Variants in GRM5 observed in about 807,000 individuals in gnomAD.
GRM5 encodes the protein metabotropic glutamate receptor 5.
GRM5 carries 19 observed loss-of-function variants against 83.1 expected under a neutral mutation model. That is an observed-to-expected ratio of 0.23 (90% CI 0.16 to 0.34). The LOEUF (loss-of-function observed/expected upper bound fraction) is 0.34. GRM5 is among the 10% of genes least tolerant of loss of function. GRM5 has a pLI of 1.00. For missense variants in GRM5, 1,160 were observed against 1,588.3 expected, an observed-to-expected ratio of 0.73 and a Z score of 4.58; for synonymous variants, 675 against 633.6, an observed-to-expected ratio of 1.07 and a Z score of -0.98.
chr11:88,813,243 A>C (rs142508134), intron 3 of GRM5, among the ~76,000 whole-genome samples: 5 of 152,210 alleles, frequency 3.3e-5, no homozygotes, highest in Admixed American at 3.3e-4. Flanking sequence ...CTGACATTTT[A>C]TTCATGTTTG....
intron 3 of GRM5, among the ~76,000 whole-genome samples, chr11:88,757,078 A>T (rs1230348807): frequency 1.3e-5 from 2 of 152,196 alleles, no homozygotes; most frequent in Non-Finnish European, 2.9e-5. Context: ...GTCCTCAAAA[A>T]TAATATGAAC....
chr11:88,845,725 G>GCCC (rs66888159), intron 3 of GRM5, among the ~76,000 whole-genome samples: 8 of 147,440 alleles, frequency 5.4e-5, no homozygotes, highest in African/African-American at 2.1e-4. Flanking sequence ...GAACCACCGC[G>GCCC]CCCCCCCCCA....
chr11:89,000,596 T>C (rs1174884523), intron 2 of GRM5, among the ~76,000 whole-genome samples: 4 of 152,112 alleles, frequency 2.6e-5, no homozygotes, highest in Non-Finnish European at 5.9e-5. Flanking sequence ...TATTTTAAAA[T>C]TTTAGGAAAA....
intron 2 of GRM5, among the ~76,000 whole-genome samples, chr11:88,877,371 T>C (rs1283601255): frequency 6.6e-6 from 1 of 152,052 alleles, no homozygotes; most frequent in Non-Finnish European, 1.5e-5. Context: ...AAAAAGAAAC[T>C]AAATGCTGGC....
chr11:88,659,722 A>G (rs1421364448), intron 3 of GRM5, among the ~76,000 whole-genome samples: 1 of 152,208 alleles, frequency 6.6e-6, no homozygotes, highest in Non-Finnish European at 1.5e-5. Context: ...AGAATGTGAA[A>G]CCTCCTGAGT....
At chr11:89,007,304 G>A (rs916974024) in intron 2 of GRM5, among the ~76,000 whole-genome samples, 15 of 152,092 alleles carry the variant, frequency 9.9e-5, no homozygotes, top group African/African-American at 3.6e-4. Flanking sequence ...GCTTTTTCTT[G>A]TACTATAACA....
At chr11:89,023,759 A>G (rs1365117762) in intron 2 of GRM5, among the ~76,000 whole-genome samples, 1 of 151,998 alleles carries the variant, frequency 6.6e-6, no homozygotes, top group Non-Finnish European at 1.5e-5. Flanking sequence ...CTGAGGCAGG[A>G]GAATTGCTTG....
intron 3 of GRM5, among the ~76,000 whole-genome samples, chr11:88,796,125 C>A (rs569173422): frequency 1.3e-5 from 2 of 152,172 alleles, no homozygotes; most frequent in African/African-American, 2.4e-5. Context: ...GCATTTCCAA[C>A]GTAATTTAAA....
chr11:88,792,060 T>C (rs530818314), intron 3 of GRM5, among the ~76,000 whole-genome samples: 2 of 152,232 alleles, frequency 1.3e-5, no homozygotes, highest in South Asian at 2.1e-4. Flanking sequence ...AGTCAGAATA[T>C]GGAATCCCAG....
chr11:88,623,372 C>T (rs1355630277), intron 4 of GRM5, among the ~76,000 whole-genome samples: 11 of 152,014 alleles, frequency 7.2e-5, no homozygotes, highest in African/African-American at 1.9e-4. Flanking sequence ...TCAGGTGACC[C>T]GCCCGCCTCA....
intron 9 of GRM5, chr11:88,511,848 A>G (rs546638134): frequency 6.6e-6 from 1 of 152,282 alleles, no homozygotes; most frequent in Non-Finnish European, 1.5e-5. Context: ...CCTTTCTCCT[A>G]TCAGAAGGAT....
At chr11:88,859,366 T>C (rs1944525931) in intron 2 of GRM5, among the ~76,000 whole-genome samples, 1 of 151,816 alleles carries the variant, frequency 6.6e-6, no homozygotes, top group Non-Finnish European at 1.5e-5. Flanking sequence ...TGGAACAGAG[T>C]AAGCACTGAA....
At chr11:88,822,251 T>C (rs1251708427) in intron 3 of GRM5, among the ~76,000 whole-genome samples, 1 of 152,178 alleles carries the variant, frequency 6.6e-6, no homozygotes, top group Non-Finnish European at 1.5e-5. Context: ...TACTTTGATA[T>C]TGACCTATTG....
intron 7 of GRM5, among the ~76,000 whole-genome samples, chr11:88,578,187 C>T (rs988545417): frequency 6.6e-6 from 1 of 151,980 alleles, no homozygotes; most frequent in Admixed American, 6.6e-5. Flanking sequence ...GCCCATAATG[C>T]TTTGAATTTT....
intron 3 of GRM5, among the ~76,000 whole-genome samples, chr11:88,715,431 A>T (rs919515818): frequency 1.3e-4 from 7 of 53,070 alleles, no homozygotes; most frequent in Non-Finnish European, 2.5e-4. Context: ...GCATTTTTTC[A>T]TGAAAAAAAA....
At chr11:89,016,856 C>T (rs986722859) in intron 2 of GRM5, among the ~76,000 whole-genome samples, 2 of 152,096 alleles carry the variant, frequency 1.3e-5, no homozygotes, top group African/African-American at 4.8e-5. Flanking sequence ...TGTTTCCACT[C>T]AGTTTTTCAT....
At chr11:88,583,211 T>C (rs938544594) in intron 7 of GRM5, among the ~76,000 whole-genome samples, 1 of 152,098 alleles carries the variant, frequency 6.6e-6, no homozygotes, top group African/African-American at 2.4e-5. Flanking sequence ...GCGGGAGTTA[T>C]AAAACCTGCC....
At chr11:88,535,088 G>A (rs969386243) in intron 8 of GRM5, among the ~76,000 whole-genome samples, 1 of 152,154 alleles carries the variant, frequency 6.6e-6, no homozygotes, top group Non-Finnish European at 1.5e-5. Flanking sequence ...TCTCGGGTAT[G>A]TCTTTATCAG....
At chr11:88,771,813 A>T (rs1191693813) in intron 3 of GRM5, among the ~76,000 whole-genome samples, 1 of 152,172 alleles carries the variant, frequency 6.6e-6, no homozygotes, top group Non-Finnish European at 1.5e-5. Flanking sequence ...AAAGCAAAAT[A>T]GCTCAATAAT....
Sources: gnomAD v4.1 joint callset for allele counts (sites outside exome capture counted in the v4.1 genomes callset) on GRCh38, gnomAD v4.1.1 for gene constraint, MANE v1.5 for transcripts, NCBI Gene and HGNC (gene_info 2026-07-23, HGNC 2026-07-21) for gene names.